Variants in SCAF4 observed in about 807,000 individuals in gnomAD.
SCAF4 encodes SR-related and CTD-associated factor 4.
Under a neutral mutation model 129.8 loss-of-function variants are expected in SCAF4, and 25 were observed. That is an observed-to-expected ratio of 0.19 (90% CI 0.14 to 0.27). The LOEUF (loss-of-function observed/expected upper bound fraction) is 0.27, where lower values mean the gene tolerates loss of function less well. SCAF4 is among the 10% of genes least tolerant of loss of function. The probability of loss-of-function intolerance (pLI) is 1.00; values close to 1 mark genes in which losing one functional copy is unlikely to be tolerated. For missense variants in SCAF4, 1,246 were observed against 1,457.1 expected (o/e 0.86, Z 2.36); for synonymous variants, 551 against 497.7 (o/e 1.11, Z -1.43).
intron 14 of SCAF4, 103 bp from the exon 15 acceptor site, chr21:31,691,056 G>A: frequency 1.1e-6 from 1 of 897,422 alleles, no homozygotes; most frequent in Non-Finnish European, 1.6e-6. Flanking sequence ...CGGGCACCAA[G>A]GGAGCAATCT....
chr21:31,671,539 T>C lies in SCAF4; in HGVS notation c.3304A>G (p.Asn1102Asp), dbSNP rs763606869. Reference protein sequence around the residue: ...TVEPPISQVGNVDTASELEKG... With the variant: ...TVEPPISQVGDVDTASELEKG... ...TCAAGTTCTGAAGCAGTGTCTACAT[T>C]TCCCACTTGGCTAATGGGAGGTTCA... Residue 1102 changes from asparagine (N) to aspartate (D), a missense_variant, in exon 20 of 20, where the codon AAT (asparagine) becomes GAT (aspartate). By Grantham distance (23) the Asn-to-Asp change is conservative. Coordinates refer to ENST00000286835, the MANE Select transcript of SCAF4 (RefSeq NM_020706.2). The C allele has an allele frequency of 1.9e-6, 3 of 1,614,134 alleles. No homozygotes were observed. In the South Asian group the frequency reaches 3.3e-5, roughly 18 times the overall value.
At chr21:31,707,094 G>C (rs1312422496) in intron 1 of SCAF4, among the ~76,000 whole-genome samples, 1 of 152,140 alleles carries the variant, frequency 6.6e-6, no homozygotes, top group African/African-American at 2.4e-5. Context: ...AACAGAGTGT[G>C]GGATGTTGTA....
At position 31,671,737 on chromosome 21, in the gene SCAF4, T is replaced by C; in HGVS notation, c.3106A>G (p.Arg1036Gly). 6.2e-7 allele frequency: 1 copy of C among 1,614,162 alleles called. No homozygotes were observed. The highest frequency in any genetic ancestry group is 1.1e-5 in the South Asian group (1 of 91,076). The change falls in exon 20 of 20, where the codon AGG (arginine) becomes GGG (glycine). Residue 1036 changes from arginine (R) to glycine (G), a missense_variant. By Grantham distance (125) the Arg-to-Gly change is moderately radical. Around this residue, in one of 6 missense-constraint regions of SCAF4, gnomAD observed 339 missense variants for 325.0 expected, o/e 1.04. Transcript: ENST00000286835. ...CTGTGCCTGTCCCGGTCAGGGCTCCTCCTTCCCCACTCTCTCCTGTCACGG... is the reference window on the plus strand; with the variant it reads ...CTGTGCCTGTCCCGGTCAGGGCTCCCCCTTCCCCACTCTCTCCTGTCACGG... ...SNRDRREWGR[R>G]SPDRDRHRDL...
chr21:31,727,125 C>T (rs1451352602), intron 1 of SCAF4, among the ~76,000 whole-genome samples: 1 of 152,062 alleles, frequency 6.6e-6, no homozygotes, highest in Non-Finnish European at 1.5e-5. Context: ...GTTGCCCAAG[C>T]TGGAGTGCAG....
At chr21:31,718,201 C>A (rs968985439) in intron 1 of SCAF4, among the ~76,000 whole-genome samples, 10 of 152,162 alleles carry the variant, frequency 6.6e-5, no homozygotes, top group African/African-American at 2.2e-4. Flanking sequence ...CCACCTTGGC[C>A]TCCCAAAGTG....
At chr21:31,690,551 C>G (rs980570041) in intron 15 of SCAF4, among the ~76,000 whole-genome samples, 7 of 152,182 alleles carry the variant, frequency 4.6e-5, no homozygotes, top group African/African-American at 1.7e-4. Context: ...TTAAGTTTCA[C>G]AGGAAAAGTT....
intron 19 of SCAF4, among the ~76,000 whole-genome samples, chr21:31,683,012 C>CA: frequency 6.6e-6 from 1 of 152,224 alleles, no homozygotes; most frequent in Admixed American, 6.5e-5. Context: ...ACTGAACTAA[C>CA]ATATTGCATT....
intron 1 of SCAF4, among the ~76,000 whole-genome samples, chr21:31,717,862 C>T (rs1170137393): frequency 1.9e-4 from 24 of 125,384 alleles, no homozygotes; most frequent in South Asian, 4.7e-4. Flanking sequence ...CACACACACA[C>T]ACACACACAT....
In SCAF4 at chr21:31,713,019, A is replaced by G. The variant is rs140231512; in HGVS notation, c.31-6662T>C. On this transcript the variant is annotated intron_variant, in intron 1 of 19. Transcript: ENST00000286835. ...AAAATCAATTATACTGCTCATTGCT[A>G]TATCTGTTTTATTTTCCATTTATGC... 1,154 of 209,988 alleles carry G rather than the reference A, an allele frequency of 5.5e-3. 4 individuals are homozygous for G. The highest frequency in any genetic ancestry group is 7.2e-3 in the Non-Finnish European group (872 of 120,838). 13.0% of individuals were successfully genotyped at this position (209,988 alleles called of 1,614,324 possible). A position where few individuals can be genotyped will look rare whatever the true frequency, so the allele number is the denominator to read the frequency against.
intron 19 of SCAF4, among the ~76,000 whole-genome samples, chr21:31,674,731 T>C (rs189968220): frequency 5.9e-5 from 9 of 152,330 alleles, no homozygotes; most frequent in Admixed American, 2.0e-4. Context: ...AAAGCAATTG[T>C]TCATTTCATT....
Position 31,705,382 on chromosome 21 carries a change from C to T in SCAF4, c.159+41G>A, listed in dbSNP as rs771433326. 3.3e-6 allele frequency: 3 copies of T among 909,852 alleles called. No individual in the cohort carries two copies. The South Asian group carries it at 5.0e-5, about 15-fold the overall frequency. 56.4% of individuals were successfully genotyped at this position (909,852 alleles called of 1,614,324 possible). A position where few individuals can be genotyped will look rare whatever the true frequency, so the allele number is the denominator to read the frequency against. On this transcript the variant is annotated intron_variant, in intron 3 of 19. Coordinates refer to ENST00000286835, the MANE Select transcript of SCAF4 (RefSeq NM_020706.2). ...AAAATTTACAAAGTAAATTACAAAT[C>T]ATATTGTAACTAAAATGAGGTTATA...
intron 19 of SCAF4, among the ~76,000 whole-genome samples, chr21:31,683,404 A>G (rs940710125): frequency 6.6e-6 from 1 of 152,230 alleles, no homozygotes; most frequent in Non-Finnish European, 1.5e-5. Context: ...TTCAGTAGTG[A>G]TAAGAAATAA....
At chr21:31,696,018 G>A in intron 9 of SCAF4, 95 bp downstream of exon 9, 1 of 730,322 alleles carries the variant, frequency 1.4e-6, no homozygotes, top group South Asian at 2.7e-5. Flanking sequence ...GTACGACTTA[G>A]CCAATTACAT....
At position 31,671,521 on chromosome 21, in the gene SCAF4, C is replaced by G. The variant is rs2049692659; in HGVS notation, c.3322G>C (p.Glu1108Gln). The G allele has an allele frequency of 1.2e-6, 2 of 1,614,188 alleles. No individual in the cohort carries two copies. Among genetic ancestry groups the G allele is most frequent in the Non-Finnish European group, 1.7e-6 (2 of 1,180,028 alleles). The change falls in exon 20 of 20, where the codon GAA becomes CAA. Residue 1108 changes from glutamate (E) to glutamine (Q), a missense_variant. By Grantham distance (29) the Glu-to-Gln change is conservative. Around this residue, in one of 6 missense-constraint regions of SCAF4, gnomAD observed 339 missense variants for 325.0 expected, o/e 1.04. Transcript: ENST00000286835. ...SQVGNVDTAS[E>Q]LEKGVSEAAV... ...GCCTCAGACACCCCCTTCTCAAGTT[C>G]TGAAGCAGTGTCTACATTTCCCACT...
rs2050279129 is a variant in SCAF4, at chr21:31,692,354, T to C, written c.1609A>G (p.Ile537Val). The C allele has an allele frequency of 6.2e-7, 1 of 1,610,082 alleles. No individual in the cohort carries two copies. Among genetic ancestry groups the C allele is most frequent in the South Asian group, 1.1e-5 (1 of 91,014 alleles). The change falls in exon 13 of 20, where the codon ATT (isoleucine) becomes GTT (valine). Residue 537 changes from isoleucine (I) to valine (V), a missense_variant. Coordinates refer to ENST00000286835, the MANE Select transcript of SCAF4 (RefSeq NM_020706.2). ...AAAACTGAATAAACACTCACATTAA[T>C]TGATTCAATTGGACCAAACTCTTCC... ...LLEEFGPIES[I>V]NMIPPRGCAY...
chr21:31,723,627 T>C (rs916028726), intron 1 of SCAF4, among the ~76,000 whole-genome samples: 33 of 142,678 alleles, frequency 2.3e-4, no homozygotes, highest in Admixed American at 7.1e-4. Flanking sequence ...TGTGTGTGTG[T>C]GTGCGCGCGC....
In SCAF4 at chr21:31,692,355, T is replaced by G. The variant is rs754513856; in HGVS notation, c.1608A>C (p.Ser536=). 1.3e-5 allele frequency: 21 copies of G among 1,610,346 alleles called. No individual in the cohort carries two copies. The highest frequency in any genetic ancestry group is 9.3e-6 in the Non-Finnish European group (11 of 1,176,716). Residue 536 remains serine, a synonymous_variant, in exon 13 of 20, where the codon TCA becomes TCC. Transcript: ENST00000286835. The stretch of plus-strand genomic sequence containing the variant: ...AAACTGAATAAACACTCACATTAAT[T>G]GATTCAATTGGACCAAACTCTTCCA... ...SLLEEFGPIE[S]INMIPPRGCA...
intron 15 of SCAF4, among the ~76,000 whole-genome samples, chr21:31,689,446 C>T (rs1334452558): frequency 3.3e-5 from 5 of 150,724 alleles, no homozygotes; most frequent in South Asian, 2.1e-4. Flanking sequence ...TACAGACACC[C>T]GCCACCACAT....
At chr21:31,704,009 T>C in intron 3 of SCAF4, 83 bp from the exon 4 acceptor site, 1 of 807,048 alleles carries the variant, frequency 1.2e-6, no homozygotes, top group South Asian at 2.8e-5. Flanking sequence ...TATGAAACTT[T>C]TATATATCCA....
Sources: allele counts gnomAD v4.1 joint callset (sites outside exome capture counted in the v4.1 genomes callset), GRCh38; gene constraint gnomAD v4.1.1; regional missense constraint gnomAD v4.1.1; transcripts MANE v1.5; gene names NCBI Gene and HGNC (gene_info 2026-07-23, HGNC 2026-07-21).